The following TXNRD1 variants were observed in gnomAD, a reference collection of about 807,000 sequenced individuals.
The protein encoded by TXNRD1 is thioredoxin reductase 1.
Under a neutral mutation model 80.3 loss-of-function variants are expected in TXNRD1, and 57 were observed. The observed-to-expected ratio is 0.71, with a 90% CI of 0.57 to 0.89. TXNRD1 has a LOEUF of 0.89. Ranked by LOEUF, TXNRD1 falls within the 40% of genes least tolerant of loss-of-function variation. The pLI, the probability that TXNRD1 is intolerant of heterozygous loss-of-function variation, is 0.00. For synonymous variants in TXNRD1, 291 were observed against 285.2 expected (o/e 1.02, Z -0.20); for missense variants, 730 against 803.0 (o/e 0.91, Z 1.10).
At chr12:104,344,119 A>G (rs1328090834) in intron 16 of TXNRD1, among the ~76,000 whole-genome samples, 1 of 152,194 alleles carries the variant, frequency 6.6e-6, no homozygotes, top group African/African-American at 2.4e-5. Context: ...AGTAAAATAA[A>G]ATAAGGGAAT....
chr12:104,318,591 AAC>A (rs1192458146), intron 7 of TXNRD1, among the ~76,000 whole-genome samples: 3 of 152,220 alleles, frequency 2.0e-5, no homozygotes, highest in Admixed American at 6.5e-5. Context: ...TTTTCTTACA[AAC>A]ACAGAATCCT....
rs937808118 is a variant in TXNRD1 at position 104,278,694 on chromosome 12, G to A, written c.305-10237G>A. 6.4e-4 allele frequency among the ~76,000 whole-genome samples: 96 copies of A among 149,946 alleles called. 2 individuals carry two copies. The highest frequency in any genetic ancestry group is 6.8e-3 in the Middle Eastern group (2 of 292). On this transcript the variant is annotated intron_variant, in intron 3 of 16. Coordinates refer to ENST00000525566, the MANE Select transcript of TXNRD1 (RefSeq NM_001093771.3). ...TTTTTTGTATTTTTAGTAGAGACAG[G>A]GTTTCACCACGTTGGCCAGGCTGGT...
At chr12:104,267,669 C>CTTTCTTTCTTTCTTTGTTTCTTTCTTTG (rs1565870109) in intron 3 of TXNRD1, among the ~76,000 whole-genome samples, 2 of 40,588 alleles carry the variant, frequency 4.9e-5, no homozygotes, top group East Asian at 1.1e-3. Context: ...TTCTTTCTTT[C>CTTTCTTTCTTTCTTTGTTTCTTTCTTTG]TTTCTTTCTT....
rs973184133 is a variant in TXNRD1, at chr12:104,239,100, G to C, written c.92-12427G>C. 4.6e-5 allele frequency among the ~76,000 whole-genome samples: 7 copies of C among 152,194 alleles called. 1 individual carries two copies. In the East Asian group the frequency reaches 1.2e-3, roughly 25 times the overall value. On this transcript the variant is annotated intron_variant, in intron 1 of 16. Transcript: ENST00000525566. ...AGTATCCCCTCCTCTTCTGTTTTTG[G>C]AAAGAGTGTGAAAAATTGCTGATAA...
intron 3 of TXNRD1, among the ~76,000 whole-genome samples, chr12:104,277,623 T>G (rs1269467598): frequency 6.6e-6 from 1 of 151,914 alleles, no homozygotes; most frequent in Non-Finnish European, 1.5e-5. Flanking sequence ...CATAGTCCCC[T>G]CAGTAGATTC....
intron 9 of TXNRD1, 142 bp from the exon 10 acceptor site, chr12:104,320,949 G>A (rs2035505883): frequency 1.5e-6 from 1 of 658,820 alleles, no homozygotes; most frequent in Non-Finnish European, 2.6e-6. Context: ...AACTTCTCAT[G>A]TATTATGTGT....
At chr12:104,325,874 A>G (rs1005837606) in intron 11 of TXNRD1, among the ~76,000 whole-genome samples, 31 of 147,988 alleles carry the variant, frequency 2.1e-4, no homozygotes, top group African/African-American at 7.4e-4. Context: ...TCCATCTCAA[A>G]AAAAAAAAAA....
chr12:104,304,206 G>C (rs2034780488), intron 4 of TXNRD1: 2 of 1,614,040 alleles, frequency 1.2e-6, no homozygotes, highest in Non-Finnish European at 1.7e-6. Context: ...CTCGACGCCC[G>C]GTTTCTTGTT....
intron 4 of TXNRD1, 154 bp downstream of exon 4, chr12:104,289,194 G>A (rs1026229209): frequency 2.6e-6 from 2 of 768,354 alleles, no homozygotes; most frequent in Non-Finnish European, 4.0e-6. Flanking sequence ...TAGCGCATGT[G>A]TTAATCGAAG....
chr12:104,219,265 G>A (rs536935567), intron 1 of TXNRD1, among the ~76,000 whole-genome samples: 2 of 152,134 alleles, frequency 1.3e-5, no homozygotes, highest in Non-Finnish European at 2.9e-5. Flanking sequence ...ATGTTCTTTT[G>A]TGTGTCACCT....
At chr12:104,236,609 G>A (rs1046194830) in intron 1 of TXNRD1, among the ~76,000 whole-genome samples, 4 of 152,124 alleles carry the variant, frequency 2.6e-5, no homozygotes, top group Non-Finnish European at 5.9e-5. Context: ...GACCAACATG[G>A]AGAAACCCTG....
intron 3 of TXNRD1, among the ~76,000 whole-genome samples, chr12:104,269,864 C>A (rs939611206): frequency 6.6e-6 from 1 of 151,934 alleles, no homozygotes; most frequent in Non-Finnish European, 1.5e-5. Flanking sequence ...CCCCCGCGCC[C>A]AGCCCACCCA....
chr12:104,250,325 TG>T (rs1339986118), intron 1 of TXNRD1, among the ~76,000 whole-genome samples: 11 of 152,286 alleles, frequency 7.2e-5, no homozygotes, highest in Admixed American at 7.2e-4. Context: ...ATAAAATCCT[TG>T]TGACTTTGGA....
chr12:104,338,818 G>A (rs376142454), intron 15 of TXNRD1, among the ~76,000 whole-genome samples: 2 of 151,780 alleles, frequency 1.3e-5, no homozygotes, highest in Admixed American at 6.6e-5. Context: ...CTGGGTTCAC[G>A]CCATTCTCCT....
intron 2 of TXNRD1, among the ~76,000 whole-genome samples, chr12:104,257,136 T>C (rs2135710099): frequency 6.6e-6 from 1 of 152,102 alleles, no homozygotes; most frequent in Non-Finnish European, 1.5e-5. Context: ...AAAAGTCTCT[T>C]GTGTCAGTAG....
chr12:104,323,296 C>T (rs1165180169), intron 10 of TXNRD1, among the ~76,000 whole-genome samples: 3 of 150,314 alleles, frequency 2.0e-5, no homozygotes, highest in South Asian at 2.1e-4. Context: ...GTCATCCTGG[C>T]CCGTTCTCAA....
At chr12:104,237,247 C>G (rs1432293221) in intron 1 of TXNRD1, among the ~76,000 whole-genome samples, 2 of 152,124 alleles carry the variant, frequency 1.3e-5, no homozygotes, top group African/African-American at 4.8e-5. Flanking sequence ...AGAAAATACA[C>G]TGTAAGGGGT....
chr12:104,267,699 TTCTCTCTTTC>T lies in TXNRD1; in HGVS notation c.304+9622_304+9631del, dbSNP rs1257569084. Among the ~76,000 whole-genome samples the T allele has an allele frequency of 2.1e-3, 98 of 46,446 alleles. 3 individuals carry two copies. Among genetic ancestry groups the T allele is most frequent in the South Asian group, 4.3e-3 (6 of 1,384 alleles). The allele number at this position is 46,446 out of a possible 152,430, so 30.5% of individuals were successfully genotyped here. A position where few individuals can be genotyped will look rare whatever the true frequency, so the allele number is the denominator to read the frequency against. ...TTTCTTTCTTTCTTTCTTTCTTTCT[TTCTCTCTTTC>T]TTTCTTTCTTTCTCTTTCTTTCTTT... On this transcript the variant is annotated intron_variant, in intron 3 of 16. Transcript: ENST00000525566.
intron 1 of TXNRD1, among the ~76,000 whole-genome samples, chr12:104,249,251 C>G (rs1451317727): frequency 6.6e-6 from 1 of 152,162 alleles, no homozygotes; most frequent in Non-Finnish European, 1.5e-5. Flanking sequence ...GAGATGGGCT[C>G]TCTGGAGTTT....
Sources: allele counts gnomAD v4.1 joint callset (sites outside exome capture counted in the v4.1 genomes callset), GRCh38; gene constraint gnomAD v4.1.1; transcripts MANE v1.5; gene names NCBI Gene and HGNC (gene_info 2026-07-23, HGNC 2026-07-21).